Variants in DDR2 observed in about 807,000 individuals in gnomAD.
DDR2 encodes discoidin domain receptor tyrosine kinase 2.
A neutral mutation model predicts 94.9 loss-of-function variants in DDR2; 27 were observed. That is an observed-to-expected ratio of 0.28 (90% CI 0.21 to 0.39). The LOEUF (loss-of-function observed/expected upper bound fraction) is 0.39, where lower values mean the gene tolerates loss of function less well. Among genes scored for constraint, DDR2 ranks in the 10% least tolerant of loss-of-function variants. The probability of loss-of-function intolerance (pLI) is 1.00; values close to 1 mark genes in which losing one functional copy is unlikely to be tolerated. For missense variants in DDR2, 783 were observed against 1,076.0 expected, an observed-to-expected ratio of 0.73 and a Z score of 3.81; for synonymous variants, 382 against 377.2, an observed-to-expected ratio of 1.01 and a Z score of -0.15.
chr1:162,760,522 A>G (rs1042275518), intron 8 of DDR2, among the ~76,000 whole-genome samples: 2 of 91,044 alleles, frequency 2.2e-5, no homozygotes, highest in African/African-American at 8.7e-5. Context: ...ATATATGTAT[A>G]TACATATACA....
chr1:162,734,230 G>A lies in DDR2; in HGVS notation c.82+15085G>A, dbSNP rs147524302. 1.5e-4 allele frequency among the ~76,000 whole-genome samples: 23 copies of A among 152,330 alleles called. No individual in the cohort carries two copies. In the East Asian group the frequency reaches 4.2e-3, roughly 28 times the overall value. The stretch of plus-strand genomic sequence containing the variant: ...TGTCATGACTCAGACTTACAAGGAA[G>A]TTTCCTGTATCTCCTGTCTGCTAAA... On this transcript the variant is annotated intron_variant, in intron 3 of 17. Coordinates refer to ENST00000367921, the MANE Select transcript of DDR2 (RefSeq NM_006182.4).
Position 162,787,029 on chromosome 1 carries a change from G to A in DDR2, c.*6783G>A, listed in dbSNP as rs1648177213. The stretch of plus-strand genomic sequence containing the variant: ...ATTTAGACTCAGTCATTATACTAGA[G>A]ATTAGAATGAAACGACCCCAAACAA... On this transcript the variant is annotated 3_prime_UTR_variant, in exon 18 of 18. Coordinates refer to ENST00000367921, the MANE Select transcript of DDR2 (RefSeq NM_006182.4). 1 of 151,838 alleles carries A rather than the reference G, an allele frequency of 6.6e-6. No individual in the cohort carries two copies. The highest frequency in any genetic ancestry group is 2.4e-5 in the African/African-American group (1 of 41,360). The allele number at this position is 151,838 out of a possible 1,614,324, so 9.4% of individuals were successfully genotyped here. A position where few individuals can be genotyped will look rare whatever the true frequency, so the allele number is the denominator to read the frequency against.
upstream of DDR2, among the ~76,000 whole-genome samples, chr1:162,631,178 C>G (rs1268052233): frequency 7.8e-6 from 1 of 128,474 alleles, no homozygotes; most frequent in Non-Finnish European, 1.6e-5. Flanking sequence ...CATGGCCACC[C>G]TCATTGTGTG....
intron 1 of DDR2, among the ~76,000 whole-genome samples, chr1:162,644,418 C>T (rs997002412): frequency 1.3e-5 from 2 of 152,158 alleles, no homozygotes; most frequent in African/African-American, 4.8e-5. Flanking sequence ...AAAATACTTT[C>T]AAATCCATCC....
intron 2 of DDR2, among the ~76,000 whole-genome samples, chr1:162,677,076 C>T (rs1469597987): frequency 6.6e-6 from 1 of 152,114 alleles, no homozygotes; most frequent in African/African-American, 2.4e-5. Context: ...CGAGATGTGG[C>T]CAGTTTGGGT....
chr1:162,770,384 C>T lies in DDR2; in HGVS notation c.1376C>T (p.Ser459Phe), dbSNP rs750750022. Reference protein sequence around the residue: ...SDSSMFNNNRSSSPSEQGSNS... With the variant: ...SDSSMFNNNRFSSPSEQGSNS... ...TCTAGCATGTTCAACAATAACCGCT[C>T]CTCATCACCTAGTGAACAAGGGTCC... Residue 459 changes from serine to phenylalanine, a missense_variant, in exon 12 of 18, where the codon TCC (serine) becomes TTC (phenylalanine). By Grantham distance (155) the Ser-to-Phe change is radical (BLOSUM62 -2). Around this residue, in one of 2 missense-constraint regions of DDR2, gnomAD observed 519 missense variants for 647.9 expected, o/e 0.80. Coordinates refer to ENST00000367921, the MANE Select transcript of DDR2 (RefSeq NM_006182.4). The T allele has an allele frequency of 5.6e-6, 9 of 1,613,960 alleles. No individual in the cohort carries two copies. In the Admixed American group the frequency reaches 8.3e-5, roughly 15 times the overall value.
chr1:162,729,290 A>AT (rs1661879964), intron 3 of DDR2, among the ~76,000 whole-genome samples: 2 of 15,742 alleles, frequency 1.3e-4, no homozygotes, highest in Admixed American at 4.5e-4. Flanking sequence ...TTATATATAT[A>AT]TATATATATA....
intron 8 of DDR2, among the ~76,000 whole-genome samples, chr1:162,760,448 A>G: frequency 7.4e-6 from 1 of 135,366 alleles, no homozygotes; most frequent in South Asian, 2.3e-4. Flanking sequence ...ATATATAACC[A>G]TATATACATA....
At chr1:162,634,225 G>GTA (rs1656703066) in intron 1 of DDR2, among the ~76,000 whole-genome samples, 1 of 152,160 alleles carries the variant, frequency 6.6e-6, no homozygotes, top group African/African-American at 2.4e-5. Flanking sequence ...TGGGTCTTTG[G>GTA]TATATACTTA....
chr1:162,773,699 T>C, intron 14 of DDR2, 103 bp downstream of exon 14: 1 of 1,487,680 alleles, frequency 6.7e-7, no homozygotes, highest in Non-Finnish European at 9.3e-7. Context: ...GATGGGAAGG[T>C]CAGTGAGCTG....
At position 162,761,386 on chromosome 1, in the gene DDR2, G is replaced by C. The variant is rs775649903; in HGVS notation, c.1031G>C (p.Ser344Thr). Residue 344 changes from serine to threonine, a missense_variant, in exon 9 of 18, where the codon AGT (serine) becomes ACT (threonine). Physicochemically the swap from Ser to Thr is moderately conservative, Grantham distance 58. Coordinates refer to ENST00000367921, the MANE Select transcript of DDR2 (RefSeq NM_006182.4). ...VTVPLHHRMA[S>T]AIKCQYHFAD... ...GTGCCTCTCCACCACCGAATGGCCA[G>C]TGCCATCAAGTGTCAATACCATTTT... 3 of 1,614,196 alleles carry C rather than the reference G, an allele frequency of 1.9e-6. No homozygotes were observed. Among genetic ancestry groups the C allele is most frequent in the Non-Finnish European group, 2.5e-6 (3 of 1,180,032 alleles).
chr1:162,725,259 T>C (rs772323461), intron 3 of DDR2, among the ~76,000 whole-genome samples: 2 of 152,216 alleles, frequency 1.3e-5, no homozygotes, highest in African/African-American at 2.4e-5. Context: ...CAGAGAAAGC[T>C]AAGTGGCAGA....
chr1:162,685,028 C>T (rs564822418), intron 2 of DDR2, among the ~76,000 whole-genome samples: 1 of 152,222 alleles, frequency 6.6e-6, no homozygotes, highest in South Asian at 2.1e-4. Flanking sequence ...GGCCTAGTGG[C>T]TACAAGGGTG....
intron 1 of DDR2, among the ~76,000 whole-genome samples, chr1:162,644,802 G>A (rs1201158692): frequency 6.6e-6 from 1 of 152,012 alleles, no homozygotes; most frequent in Non-Finnish European, 1.5e-5. Flanking sequence ...CACTCTGTTG[G>A]CCAGGCTGGT....
rs17487384 is a variant in DDR2 at position 162,730,235 on chromosome 1, A to C, written c.82+11090A>C. ...GAGGCCATTTCAGCTGAAGCTACCA[A>C]AGTGCAGCACCAGGTCCAGCCTTCT... is the stretch of plus-strand genomic sequence containing the variant. On this transcript the variant is annotated intron_variant, in intron 3 of 17. Transcript: ENST00000367921. Among the ~76,000 whole-genome samples, 1,491 of 152,078 alleles carry C rather than the reference A, an allele frequency of 9.8e-3. 17 individuals are homozygous for C. The highest frequency in any genetic ancestry group is 0.022 in the South Asian group (104 of 4,806).
chr1:162,764,962 G>A (rs1451569678), intron 9 of DDR2, among the ~76,000 whole-genome samples: 1 of 152,122 alleles, frequency 6.6e-6, no homozygotes, highest in Admixed American at 6.5e-5. Context: ...ATATTTTTAG[G>A]AAAACAGGTT....
intron 2 of DDR2, among the ~76,000 whole-genome samples, chr1:162,694,964 A>G (rs966816417): frequency 6.6e-6 from 1 of 152,184 alleles, no homozygotes; most frequent in African/African-American, 2.4e-5. Flanking sequence ...TGTTCAGAGA[A>G]TTTTGAATGT....
intron 2 of DDR2, among the ~76,000 whole-genome samples, chr1:162,696,680 T>A (rs61811977): frequency 0.059 from 8,935 of 151,790 alleles, 310 homozygotes; most frequent in Admixed American, 0.079. Context: ...AGCTACACCC[T>A]CCTGGCTGGA....
intron 2 of DDR2, among the ~76,000 whole-genome samples, chr1:162,696,563 G>C (rs1660203177): frequency 6.6e-6 from 1 of 151,466 alleles, no homozygotes; most frequent in African/African-American, 2.4e-5. Flanking sequence ...TGCCTCCTTG[G>C]CCAAAGCTGA....
Sources: allele counts gnomAD v4.1 joint callset (sites outside exome capture counted in the v4.1 genomes callset), GRCh38; gene constraint gnomAD v4.1.1; regional missense constraint gnomAD v4.1.1; transcripts MANE v1.5; gene names NCBI Gene and HGNC (gene_info 2026-07-23, HGNC 2026-07-21).